Variants in ASTN2 observed in about 807,000 individuals in gnomAD.
ASTN2 encodes astrotactin-2.
ASTN2 carries 54 observed loss-of-function variants against 139.8 expected under a neutral mutation model. The observed-to-expected ratio is 0.39, with a 90% CI of 0.31 to 0.48. The LOEUF (loss-of-function observed/expected upper bound fraction) is 0.48. Among genes scored for constraint, ASTN2 ranks in the 20% least tolerant of loss-of-function variants. ASTN2 has a pLI of 0.95. For synonymous variants in ASTN2, 756 were observed against 719.5 expected (o/e 1.05, Z -0.81); for missense variants, 1,565 against 1,725.1 (o/e 0.91, Z 1.64).
At chr9:116,913,783 A>G (rs1834375148) in intron 10 of ASTN2, among the ~76,000 whole-genome samples, 2 of 152,094 alleles carry the variant, frequency 1.3e-5, no homozygotes, top group East Asian at 1.9e-4. Context: ...AAAGTAATCT[A>G]TACTGCTCCT....
chr9:116,726,786 C>T (rs2132117745), intron 15 of ASTN2, among the ~76,000 whole-genome samples: 1 of 152,214 alleles, frequency 6.6e-6, no homozygotes, highest in South Asian at 2.1e-4. Context: ...TTCTCTCCTT[C>T]CTCAAACAGG....
intron 10 of ASTN2, among the ~76,000 whole-genome samples, chr9:116,936,982 C>A (rs963974597): frequency 6.6e-6 from 1 of 152,030 alleles, no homozygotes; most frequent in East Asian, 1.9e-4. Context: ...TGTGAAGGAC[C>A]CTTCATTGTT....
chr9:116,442,605 C>T, intron 20 of ASTN2, 52 bp from the exon 21 acceptor site: 1 of 1,472,434 alleles, frequency 6.8e-7, no homozygotes, highest in South Asian at 1.1e-5. Context: ...ACAGAAGGCC[C>T]TGGGAGTTGC....
intron 1 of ASTN2, among the ~76,000 whole-genome samples, chr9:117,401,761 TTTTA>T (rs1231868236): frequency 6.6e-6 from 1 of 152,164 alleles, no homozygotes; most frequent in Non-Finnish European, 1.5e-5. Flanking sequence ...TCCAGTACAT[TTTTA>T]TTTATAGGTA....
chr9:116,632,248 A>AG (rs1554723334), intron 17 of ASTN2, among the ~76,000 whole-genome samples: 4 of 91,088 alleles, frequency 4.4e-5, no homozygotes, highest in Non-Finnish European at 6.7e-5. Context: ...AAAGAAAGAA[A>AG]GAAGGAAAGA....
chr9:117,181,669 G>T (rs1741567760), intron 3 of ASTN2, among the ~76,000 whole-genome samples: 1 of 152,092 alleles, frequency 6.6e-6, no homozygotes, highest in African/African-American at 2.4e-5. Flanking sequence ...GTCCTGTTTT[G>T]CCTGGTCTGT....
intron 1 of ASTN2, among the ~76,000 whole-genome samples, chr9:117,324,731 C>T (rs1371061442): frequency 1.3e-5 from 2 of 152,094 alleles, no homozygotes; most frequent in African/African-American, 4.8e-5. Context: ...GAGGCCATAG[C>T]AAGTGGTGAG....
At position 116,425,576 on chromosome 9, in the gene ASTN2, C is replaced by T; in HGVS notation, c.*275G>A. 2 of 1,613,090 alleles carry T rather than the reference C, an allele frequency of 1.2e-6. No homozygotes were observed. The highest frequency in any genetic ancestry group is 1.7e-6 in the Non-Finnish European group (2 of 1,179,776). On this transcript the variant is annotated 3_prime_UTR_variant, in exon 23 of 23. Coordinates refer to ENST00000313400, the MANE Select transcript of ASTN2 (RefSeq NM_001365068.1). ...CTTCTGCCTCGGGATTGACAGCCAT[C>T]CATAAGAAAAGGTTTAAAAAGGAGA...
Position 116,479,439 on chromosome 9 carries a change from G to A in ASTN2, c.3497+7920C>T, listed in dbSNP as rs538236258. Among the ~76,000 whole-genome samples, 5 of 151,072 alleles carry A rather than the reference G, an allele frequency of 3.3e-5. No homozygotes were observed. In the East Asian group the frequency reaches 9.9e-4, roughly 30 times the overall value. On this transcript the variant is annotated intron_variant, in intron 20 of 22. Coordinates refer to ENST00000313400, the MANE Select transcript of ASTN2 (RefSeq NM_001365068.1). ...GGAGAGGTGGTGTCCTGAGGGTGGT[G>A]GACAGGCCAGCAATGCTCCATCCAA...
chr9:116,804,374 A>G (rs114339206), intron 13 of ASTN2, among the ~76,000 whole-genome samples: 11 of 152,228 alleles, frequency 7.2e-5, no homozygotes, highest in African/African-American at 2.6e-4. Context: ...AGTGATTCTA[A>G]TAATGAAGCT....
chr9:117,066,249 A>C (rs1297358533), intron 5 of ASTN2, among the ~76,000 whole-genome samples: 2 of 136,056 alleles, frequency 1.5e-5, no homozygotes, highest in Non-Finnish European at 3.1e-5. Flanking sequence ...ATTCCCACCT[A>C]TGAGTGAGAA....
At chr9:116,448,462 C>A (rs906262461) in intron 20 of ASTN2, among the ~76,000 whole-genome samples, 1 of 152,206 alleles carries the variant, frequency 6.6e-6, no homozygotes, top group African/African-American at 2.4e-5. Flanking sequence ...GGACCAAGCT[C>A]ACTGCTGAGA....
At position 117,206,166 on chromosome 9, in the gene ASTN2, C is replaced by T. The variant is rs141607290; in HGVS notation, c.1015+8192G>A. 1.9e-3 allele frequency among the ~76,000 whole-genome samples: 289 copies of T among 152,172 alleles called. 1 individual carries two copies. Among genetic ancestry groups the T allele is most frequent in the Middle Eastern group, 6.8e-3 (2 of 294 alleles). Reference sequence around the variant, plus strand: ...CTGAGTGTCGTCGAAGGCAGAGCACCGAAATGCAGCAGAAGAGTGGAGAAG... The same window carrying T: ...CTGAGTGTCGTCGAAGGCAGAGCACTGAAATGCAGCAGAAGAGTGGAGAAG... On this transcript the variant is annotated intron_variant, in intron 3 of 22. Coordinates refer to ENST00000313400, the MANE Select transcript of ASTN2 (RefSeq NM_001365068.1).
chr9:116,986,169 C>CCA (rs1227858368), intron 7 of ASTN2, among the ~76,000 whole-genome samples: 1 of 139,346 alleles, frequency 7.2e-6, no homozygotes, highest in African/African-American at 2.9e-5. Context: ...TGCCCCCCCC[C>CCA]ACCCCCCTGC....
At chr9:116,445,584 A>C (rs1348622112) in intron 20 of ASTN2, among the ~76,000 whole-genome samples, 1 of 152,178 alleles carries the variant, frequency 6.6e-6, no homozygotes, top group African/African-American at 2.4e-5. Context: ...TGAATAAGAG[A>C]GCCCCCAGGA....
intron 10 of ASTN2, among the ~76,000 whole-genome samples, chr9:116,897,557 A>G (rs367809902): frequency 5.3e-5 from 8 of 152,256 alleles, no homozygotes; most frequent in African/African-American, 1.7e-4. Context: ...CATTGTTTGT[A>G]GTAGCAAAAA....
At chr9:117,319,809 C>CA (rs924185813) in intron 1 of ASTN2, among the ~76,000 whole-genome samples, 1 of 151,754 alleles carries the variant, frequency 6.6e-6, no homozygotes, top group African/African-American at 2.4e-5. Flanking sequence ...TTAGACACAA[C>CA]AAAAAATGAG....
Position 116,938,047 on chromosome 9 carries a change from G to A in ASTN2, c.1889+37161C>T, listed in dbSNP as rs528923457. On this transcript the variant is annotated intron_variant, in intron 10 of 22. Coordinates refer to ENST00000313400, the MANE Select transcript of ASTN2 (RefSeq NM_001365068.1). ...TTTACAGATGAGGAAACAAGCACGC[G>A]AGGTTTAAGTTGGTAACTTTCCTTT... 5.9e-5 allele frequency among the ~76,000 whole-genome samples: 9 copies of A among 152,286 alleles called. No individual in the cohort carries two copies. In the South Asian group the frequency reaches 1.7e-3, roughly 28 times the overall value.
intron 19 of ASTN2, among the ~76,000 whole-genome samples, chr9:116,523,302 AC>A (rs1333223616): frequency 2.7e-4 from 41 of 152,120 alleles, no homozygotes; most frequent in African/African-American, 9.4e-4. Context: ...GAGAACTCGA[AC>A]TTGCTCTGGA....
Sources: gnomAD v4.1 joint callset for allele counts (sites outside exome capture counted in the v4.1 genomes callset) on GRCh38, gnomAD v4.1.1 for gene constraint, MANE v1.5 for transcripts, NCBI Gene and HGNC (gene_info 2026-07-23, HGNC 2026-07-21) for gene names.